Variants in IBSP observed in about 807,000 individuals in gnomAD.
IBSP encodes integrin binding sialoprotein, also known as integrin-binding sialoprotein.
A neutral mutation model predicts 25.5 loss-of-function variants in IBSP; 19 were observed. That is an observed-to-expected ratio of 0.74 (90% CI 0.52 to 1.09). The LOEUF (loss-of-function observed/expected upper bound fraction) is 1.09. IBSP is among the 50% of genes least tolerant of loss of function. The probability of loss-of-function intolerance (pLI) is 0.00; values close to 1 mark genes in which losing one functional copy is unlikely to be tolerated. For synonymous variants in IBSP, 144 were observed against 137.6 expected, an observed-to-expected ratio of 1.05 and a Z score of -0.33; for missense variants, 360 against 382.3, an observed-to-expected ratio of 0.94 and a Z score of 0.49.
chr4:87,808,402 T>C (rs1023362802), intron 5 of IBSP, among the ~76,000 whole-genome samples: 12 of 152,014 alleles, frequency 7.9e-5, no homozygotes, highest in South Asian at 6.2e-4. Context: ...AGGATGGTCT[T>C]GATCTCCTGA....
rs751349738 is a variant in IBSP, at chr4:87,811,491, A to C, written c.535A>C (p.Thr179Pro). Residue 179 changes from threonine to proline, a missense_variant, in exon 7 of 7, where the codon ACC (threonine) becomes CCC (proline). Physicochemically the swap from Thr to Pro is conservative, Grantham distance 38. Coordinates refer to ENST00000226284, the MANE Select transcript of IBSP (RefSeq NM_004967.4). ...VDENEQGING[T>P]STNSTEAENG... ...TGAAAACGAACAAGGCATAAACGGC[A>C]CCAGTACCAACAGCACAGAGGCAGA... 6.2e-7 allele frequency: 1 copy of C among 1,614,128 alleles called. No homozygotes were observed. Among genetic ancestry groups the C allele is most frequent in the Non-Finnish European group, 8.5e-7 (1 of 1,180,016 alleles).
At chr4:87,802,984 T>C (rs969056199) in intron 4 of IBSP, among the ~76,000 whole-genome samples, 1 of 152,202 alleles carries the variant, frequency 6.6e-6, no homozygotes, top group African/African-American at 2.4e-5. Flanking sequence ...ACAAACACTG[T>C]AGCACATTGA....
chr4:87,805,635 C>G (rs1722078824), intron 4 of IBSP, among the ~76,000 whole-genome samples: 1 of 152,118 alleles, frequency 6.6e-6, no homozygotes, highest in Non-Finnish European at 1.5e-5. Context: ...TTCATGTTTT[C>G]TAAATAAAAT....
intron 2 of IBSP, 38 bp downstream of exon 2, chr4:87,802,453 T>C (rs757916872): frequency 1.9e-6 from 3 of 1,597,232 alleles, no homozygotes; most frequent in Non-Finnish European, 2.6e-6. Flanking sequence ...ATTTTCAGTT[T>C]TGTCTTTTTA....
chr4:87,801,481 TACACACACACACACACAC>T (rs34524230), intron 1 of IBSP, among the ~76,000 whole-genome samples: 2 of 132,354 alleles, frequency 1.5e-5, no homozygotes, highest in African/African-American at 2.6e-5. Context: ...CACCCACCCA[TACACACACACACACACAC>T]ACACACACAC....
Position 87,806,184 on chromosome 4 carries a change from G to A in IBSP, c.246G>A (p.Glu82=). Residue 82 remains glutamate, a splice_region_variant and synonymous_variant, in exon 5 of 7, where the codon GAG becomes GAA. Transcript: ENST00000226284. ...DDSSEEEEEE[E]ETSNEGENNE... ...GTTCAGAAGAGGAGGAGGAAGAAGA[G>A]GTAAGGAATTTTGCAATCTTTTCGT... The A allele has an allele frequency of 6.2e-7, 1 of 1,609,900 alleles. No homozygotes were observed. The highest frequency in any genetic ancestry group is 8.5e-7 in the Non-Finnish European group (1 of 1,178,478).
rs925982305 is a variant in IBSP at position 87,811,802 on chromosome 4, C to G, written c.846C>G (p.Asn282Lys). 10 of 1,612,596 alleles carry G rather than the reference C, an allele frequency of 6.2e-6. No individual in the cohort carries two copies. In the African/African-American group the frequency reaches 1.2e-4, roughly 19 times the overall value. ...GATATGAAATCTATGAAAGTGAGAA[C>G]GGGGAACCTCGTGGGGACAATTACC... is the stretch of plus-strand genomic sequence containing the variant. ...DNGYEIYESENGEPRGDNYRA... is the reference protein window; with the variant it reads ...DNGYEIYESEKGEPRGDNYRA... Residue 282 changes from asparagine (N) to lysine (K), a missense_variant, in exon 7 of 7, where the codon AAC (asparagine) becomes AAG (lysine). By Grantham distance (94) the Asn-to-Lys change is moderately conservative (BLOSUM62 0). Transcript: ENST00000226284.
In IBSP at chr4:87,806,175, G is replaced by A. The variant is rs745891573; in HGVS notation, c.237G>A (p.Glu79=). 2.5e-6 allele frequency: 4 copies of A among 1,610,384 alleles called. No individual in the cohort carries two copies. The South Asian group carries it at 4.4e-5, about 18-fold the overall frequency. ...ENGDDSSEEE[E]EEEETSNEGE... ...GAGATGACAGTTCAGAAGAGGAGGAGGAAGAAGAGGTAAGGAATTTTGCAA... is the reference window on the plus strand; with the variant it reads ...GAGATGACAGTTCAGAAGAGGAGGAAGAAGAAGAGGTAAGGAATTTTGCAA... The change falls in exon 5 of 7, where the codon GAG becomes GAA. Residue 79 remains glutamate, a synonymous_variant. Coordinates refer to ENST00000226284, the MANE Select transcript of IBSP (RefSeq NM_004967.4).
chr4:87,802,665 C>T lies in IBSP; in HGVS notation c.117C>T (p.Tyr39=), dbSNP rs771315747. Residue 39 remains tyrosine, a synonymous_variant, in exon 4 of 7, where the codon TAC becomes TAT. Coordinates refer to ENST00000226284, the MANE Select transcript of IBSP (RefSeq NM_004967.4). ...TTTTGTTTTTGCAGGTCTTTAAGTA[C>T]AGGCCACGATATTATCTTTACAAGC... ...EDSEENGVFK[Y]RPRYYLYKHA... 3.2e-6 allele frequency: 5 copies of T among 1,575,502 alleles called. No individual in the cohort carries two copies. In the South Asian group the frequency reaches 4.8e-5, roughly 15 times the overall value.
rs556595103 is a variant in IBSP at position 87,801,951 on chromosome 4, A to G, written c.-14-397A>G. On this transcript the variant is annotated intron_variant, in intron 1 of 6. Coordinates refer to ENST00000226284, the MANE Select transcript of IBSP (RefSeq NM_004967.4). ...CATACCTGGTCGAGTTTTTAATTGT[A>G]AACAAACAAACAGGGCACACAACTA... 9.9e-5 allele frequency among the ~76,000 whole-genome samples: 15 copies of G among 152,276 alleles called. No individual in the cohort carries two copies. In the South Asian group the frequency reaches 3.1e-3, roughly 32 times the overall value.
chr4:87,810,318 G>T (rs949979976), intron 5 of IBSP, among the ~76,000 whole-genome samples: 4 of 152,166 alleles, frequency 2.6e-5, no homozygotes, highest in Non-Finnish European at 4.4e-5. Context: ...GAAAAAAAAT[G>T]ATGTGTCAAA....
intron 2 of IBSP, 45 bp downstream of exon 2, chr4:87,802,460 T>C (rs1177516648): frequency 1.3e-6 from 2 of 1,595,458 alleles, no homozygotes; most frequent in Non-Finnish European, 1.7e-6. Flanking sequence ...GTTTTGTCTT[T>C]TTATGTAAAA....
At chr4:87,806,259 C>G (rs1321795230) in intron 5 of IBSP, 75 bp downstream of exon 5, 1 of 1,094,774 alleles carries the variant, frequency 9.1e-7, no homozygotes, top group Non-Finnish European at 1.4e-6. Flanking sequence ...CTATTGCATT[C>G]TGGACTCAGC....
chr4:87,805,320 C>A (rs1722074725), intron 4 of IBSP, among the ~76,000 whole-genome samples: 1 of 152,286 alleles, frequency 6.6e-6, no homozygotes, highest in Admixed American at 6.5e-5. Flanking sequence ...TAGCAAAACT[C>A]TTTAGCTTAT....
At chr4:87,805,530 G>A (rs773718762) in intron 4 of IBSP, among the ~76,000 whole-genome samples, 1 of 152,114 alleles carries the variant, frequency 6.6e-6, no homozygotes, top group Non-Finnish European at 1.5e-5. Context: ...CAAATTAAAT[G>A]CTATTAAATT....
intron 5 of IBSP, among the ~76,000 whole-genome samples, chr4:87,807,392 C>T (rs531725355): frequency 8.9e-4 from 132 of 147,832 alleles, no homozygotes; most frequent in Non-Finnish European, 1.5e-3. Context: ...ATATTTTTAA[C>T]TATAAAAGTA....
intron 6 of IBSP, 54 bp from the exon 7 acceptor site, chr4:87,811,307 TA>T (rs2110058624): frequency 1.3e-6 from 2 of 1,540,270 alleles, no homozygotes; most frequent in East Asian, 4.5e-5. Flanking sequence ...ATGACGGCCT[TA>T]AATTTTACAT....
chr4:87,811,954 G>C lies in IBSP; in HGVS notation c.*44G>C, dbSNP rs760320850. The stretch of plus-strand genomic sequence containing the variant: ...ATTCATCCATTCTGGCTTTGCATCC[G>C]GCTACCATTTTCGAAGTTCAACTCA... On this transcript the variant is annotated 3_prime_UTR_variant, in exon 7 of 7. Transcript: ENST00000226284. 1 of 1,464,380 alleles carries C rather than the reference G, an allele frequency of 6.8e-7. No homozygotes were observed. Among genetic ancestry groups the C allele is most frequent in the Admixed American group, 2.4e-5 (1 of 41,454 alleles). 90.7% of individuals were successfully genotyped at this position (1,464,380 alleles called of 1,614,324 possible). A position where few individuals can be genotyped will look rare whatever the true frequency, so the allele number is the denominator to read the frequency against.
chr4:87,804,760 C>T (rs911008007), intron 4 of IBSP, among the ~76,000 whole-genome samples: 2 of 152,164 alleles, frequency 1.3e-5, no homozygotes, highest in Admixed American at 1.3e-4. Context: ...CAAGGCATTT[C>T]ATACAGCTTT....
Sources: allele counts gnomAD v4.1 joint callset (sites outside exome capture counted in the v4.1 genomes callset), GRCh38; gene constraint gnomAD v4.1.1; transcripts MANE v1.5; gene names NCBI Gene and HGNC (gene_info 2026-07-23, HGNC 2026-07-21).